N4BP2: variants seen among roughly 807,000 people sequenced by gnomAD.
The protein encoded by N4BP2 is NEDD4-binding protein 2.
A neutral mutation model predicts 152.8 loss-of-function variants in N4BP2; 91 were observed. That is an observed-to-expected ratio of 0.60 (90% CI 0.50 to 0.71). N4BP2 has a LOEUF of 0.71. Among genes scored for constraint, N4BP2 ranks in the 30% least tolerant of loss-of-function variants. The pLI is 0.00. For synonymous variants in N4BP2, 646 were observed against 705.3 expected (o/e 0.92, Z 1.33); for missense variants, 1,923 against 2,059.1 (o/e 0.93, Z 1.28).
chr4:40,171,647 T>C, the N4BP2 span, among the ~76,000 whole-genome samples: 1 of 152,122 alleles, frequency 6.6e-6, no homozygotes, highest in Non-Finnish European at 1.5e-5. Flanking sequence ...ACTAATAGGA[T>C]AGATATCTAC....
chr4:40,106,841 A>C (rs1716348476), intron 4 of N4BP2, 59 bp from the exon 5 acceptor site: 3 of 1,516,304 alleles, frequency 2.0e-6, no homozygotes. Flanking sequence ...CTTTGGAAAA[A>C]TTAGGAGAGA....
chr4:40,149,127 A>ATAAAAACAC (rs1254723112), intron 16 of N4BP2, among the ~76,000 whole-genome samples: 1 of 152,244 alleles, frequency 6.6e-6, no homozygotes, highest in Non-Finnish European at 1.5e-5. Flanking sequence ...CCCAAGAGAA[A>ATAAAAACAC]TAAAAACACA....
chr4:40,187,304 C>T, the N4BP2 span, among the ~76,000 whole-genome samples: 2 of 152,040 alleles, frequency 1.3e-5, no homozygotes, highest in Non-Finnish European at 2.9e-5. Context: ...ACAAACAAAG[C>T]CTACATTCAT....
intron 2 of N4BP2, among the ~76,000 whole-genome samples, chr4:40,081,464 G>T (rs1256622285): frequency 6.6e-6 from 1 of 151,988 alleles, no homozygotes; most frequent in African/African-American, 2.4e-5. Context: ...TGACCAACAT[G>T]GTAAAACCCT....
the N4BP2 span, among the ~76,000 whole-genome samples, chr4:40,171,622 C>A: frequency 1.3e-4 from 20 of 152,174 alleles, no homozygotes; most frequent in African/African-American, 4.8e-4. Context: ...AGTCAGGGTT[C>A]TCTAGAAGGA....
intron 5 of N4BP2, 99 bp from the exon 6 acceptor site, chr4:40,111,985 A>G: frequency 1.5e-6 from 1 of 655,266 alleles, no homozygotes; most frequent in East Asian, 3.1e-5. Context: ...TAAAATTAGC[A>G]CATCATGATT....
At chr4:40,178,158 C>A in the N4BP2 span, among the ~76,000 whole-genome samples, 39 of 151,702 alleles carry the variant, frequency 2.6e-4, no homozygotes, top group Non-Finnish European at 4.6e-4. Context: ...AGACTGGGTC[C>A]AACAAACAAA....
chr4:40,148,465 G>GGGGAGA (rs763462736), intron 16 of N4BP2, among the ~76,000 whole-genome samples: 5 of 146,660 alleles, frequency 3.4e-5, no homozygotes, highest in Non-Finnish European at 7.5e-5. Flanking sequence ...GGGAGACTGT[G>GGGGAGA]GGGAGAGGGA....
At chr4:40,152,523 C>G (rs1470686800) in intron 16 of N4BP2, among the ~76,000 whole-genome samples, 2 of 152,110 alleles carry the variant, frequency 1.3e-5, no homozygotes, top group African/African-American at 4.8e-5. Flanking sequence ...ATCTCTTCCC[C>G]CATAAAGGAA....
At chr4:40,123,477 A>AT (rs1029363110) in intron 10 of N4BP2, among the ~76,000 whole-genome samples, 6 of 151,564 alleles carry the variant, frequency 4.0e-5, no homozygotes, top group African/African-American at 9.7e-5. Context: ...GTAATTGTTG[A>AT]TTTTTTTTAT....
At chr4:40,170,048 A>G in the N4BP2 span, among the ~76,000 whole-genome samples, 1 of 151,930 alleles carries the variant, frequency 6.6e-6, no homozygotes, top group Admixed American at 6.6e-5. Flanking sequence ...AAATTTAGAA[A>G]AGATAAAAAA....
At chr4:40,182,352 T>A in the N4BP2 span, among the ~76,000 whole-genome samples, 68 of 152,306 alleles carry the variant, frequency 4.5e-4, no homozygotes, top group East Asian at 2.5e-3. Flanking sequence ...GGCTGAGAAG[T>A]TTCCTTTTGT....
intron 2 of N4BP2, 65 bp from the exon 3 acceptor site, chr4:40,097,162 G>T: frequency 3.6e-6 from 2 of 548,228 alleles, no homozygotes; most frequent in Non-Finnish European, 6.4e-6. Context: ...AAATAAAGAT[G>T]TCATTCCGAT....
At chr4:40,094,699 T>G (rs1714942264) in intron 2 of N4BP2, among the ~76,000 whole-genome samples, 2 of 150,502 alleles carry the variant, frequency 1.3e-5, no homozygotes, top group South Asian at 4.2e-4. Context: ...ATTACAGGCA[T>G]GCACCATCTT....
intron 6 of N4BP2, 59 bp from the exon 7 acceptor site, chr4:40,113,373 A>G: frequency 1.3e-5 from 16 of 1,270,740 alleles, no homozygotes; most frequent in Non-Finnish European, 1.7e-5. Flanking sequence ...TTTGGAAACA[A>G]TAATTTTAAT....
chr4:40,136,513 A>G (rs149495871), intron 13 of N4BP2, among the ~76,000 whole-genome samples: 2 of 152,104 alleles, frequency 1.3e-5, no homozygotes, highest in East Asian at 3.9e-4. Context: ...CAGCCTCCCG[A>G]GTAGCTGGGA....
chr4:40,128,472 C>T (rs1718622638), intron 12 of N4BP2, among the ~76,000 whole-genome samples: 1 of 152,018 alleles, frequency 6.6e-6, no homozygotes, highest in South Asian at 2.1e-4. Flanking sequence ...TTTTAGTGTC[C>T]TGTCAAATAG....
chr4:40,164,983 A>G, the N4BP2 span, among the ~76,000 whole-genome samples: 1 of 152,184 alleles, frequency 6.6e-6, no homozygotes, highest in African/African-American at 2.4e-5. Context: ...GCTCTGGGCT[A>G]CGTTTTTCTT....
intron 1 of N4BP2, among the ~76,000 whole-genome samples, chr4:40,072,646 C>T (rs1008774564): frequency 6.6e-6 from 1 of 151,910 alleles, no homozygotes; most frequent in Non-Finnish European, 1.5e-5. Context: ...TGTACCCCCC[C>T]AGGCCTCCCA....
Sources: gnomAD v4.1 joint callset for allele counts (sites outside exome capture counted in the v4.1 genomes callset) on GRCh38, gnomAD v4.1.1 for gene constraint, MANE v1.5 for transcripts, NCBI Gene and HGNC (gene_info 2026-07-23, HGNC 2026-07-21) for gene names.